Variants in PTPRM observed in about 807,000 individuals in gnomAD.
The protein encoded by PTPRM is receptor-type tyrosine-protein phosphatase mu.
Under a neutral mutation model 186.7 loss-of-function variants are expected in PTPRM, and 47 were observed. That is an observed-to-expected ratio of 0.25 (90% confidence interval 0.20 to 0.32). PTPRM has a LOEUF of 0.32. Among genes scored for constraint, PTPRM ranks in the 10% least tolerant of loss-of-function variants. The probability of loss-of-function intolerance (pLI) is 1.00; values close to 1 mark genes in which losing one functional copy is unlikely to be tolerated. For synonymous variants in PTPRM, 668 were observed against 674.9 expected (o/e 0.99, Z 0.16); for missense variants, 1,494 against 1,865.0 (o/e 0.80, Z 3.66).
At chr18:7,652,285 A>G (rs2038728883) in intron 1 of PTPRM, among the ~76,000 whole-genome samples, 1 of 152,172 alleles carries the variant, frequency 6.6e-6, no homozygotes, top group Admixed American at 6.5e-5. Flanking sequence ...AGAAATAGGA[A>G]CACTTTTACA....
intron 1 of PTPRM, among the ~76,000 whole-genome samples, chr18:7,684,450 A>G (rs2039552070): frequency 6.6e-6 from 1 of 152,178 alleles, no homozygotes; most frequent in South Asian, 2.1e-4. Flanking sequence ...GCAGATCTCT[A>G]GAACTTATCT....
intron 14 of PTPRM, among the ~76,000 whole-genome samples, chr18:8,157,159 C>T (rs1276946454): frequency 6.6e-6 from 1 of 152,178 alleles, no homozygotes; most frequent in Non-Finnish European, 1.5e-5. Context: ...AGACAAGCCA[C>T]CTAGCTCGGT....
At chr18:7,749,492 TTTTTA>T (rs1182714014) in intron 1 of PTPRM, 1 of 152,072 alleles carries the variant, frequency 6.6e-6, no homozygotes, top group Non-Finnish European at 1.5e-5. Flanking sequence ...GCCACTAACG[TTTTTA>T]TTTTAAGTGA....
chr18:8,335,178 T>C (rs2095431861), intron 22 of PTPRM, among the ~76,000 whole-genome samples: 1 of 151,408 alleles, frequency 6.6e-6, no homozygotes, highest in Non-Finnish European at 1.5e-5. Flanking sequence ...CCCATGGGAG[T>C]CTCCTTCCCT....
At chr18:7,957,125 A>G (rs1245512400) in intron 7 of PTPRM, among the ~76,000 whole-genome samples, 1 of 150,974 alleles carries the variant, frequency 6.6e-6, no homozygotes, top group African/African-American at 2.4e-5. Flanking sequence ...GATCTGTTTC[A>G]ATTCTAGTCA....
chr18:7,848,109 C>G (rs2046687284), intron 2 of PTPRM, among the ~76,000 whole-genome samples: 1 of 152,210 alleles, frequency 6.6e-6, no homozygotes. Flanking sequence ...GCATTTACCT[C>G]CTTTTATCTG....
chr18:8,023,045 G>C (rs2085329899), intron 7 of PTPRM, among the ~76,000 whole-genome samples: 1 of 152,060 alleles, frequency 6.6e-6, no homozygotes, highest in Non-Finnish European at 1.5e-5. Context: ...TTTGACATGG[G>C]AGCCAGAAGT....
intron 2 of PTPRM, among the ~76,000 whole-genome samples, chr18:7,788,774 G>C (rs1471602339): frequency 6.6e-6 from 1 of 152,290 alleles, no homozygotes; most frequent in Admixed American, 6.5e-5. Flanking sequence ...AGTCCTAACA[G>C]AATTTGCTAA....
intron 24 of PTPRM, among the ~76,000 whole-genome samples, chr18:8,374,763 A>G (rs187922020): frequency 2.2e-4 from 33 of 152,370 alleles, no homozygotes; most frequent in Non-Finnish European, 4.0e-4. Flanking sequence ...GGGTTATTAA[A>G]TGAAGACATG....
chr18:7,682,894 A>G (rs1272696748), intron 1 of PTPRM, among the ~76,000 whole-genome samples: 1 of 152,064 alleles, frequency 6.6e-6, no homozygotes, highest in East Asian at 1.9e-4. Flanking sequence ...TACTCTGGAT[A>G]CTTTTTTAGT....
intron 1 of PTPRM, among the ~76,000 whole-genome samples, chr18:7,738,352 A>G (rs1229028345): frequency 6.6e-6 from 1 of 152,160 alleles, no homozygotes; most frequent in African/African-American, 2.4e-5. Flanking sequence ...AGTTGTTTAG[A>G]TGCTTGAAGA....
intron 2 of PTPRM, among the ~76,000 whole-genome samples, chr18:7,867,879 A>G (rs1365286165): frequency 6.6e-6 from 1 of 152,040 alleles, no homozygotes; most frequent in African/African-American, 2.4e-5. Context: ...TATTTCTTGG[A>G]GGCTTTGTTT....
At chr18:7,603,501 G>A (rs1281103375) in intron 1 of PTPRM, among the ~76,000 whole-genome samples, 1 of 152,224 alleles carries the variant, frequency 6.6e-6, no homozygotes, top group Non-Finnish European at 1.5e-5. Context: ...GGTGAGGTCT[G>A]CAGGATCCAT....
At chr18:8,398,532 G>A (rs1280616523) in intron 32 of PTPRM, among the ~76,000 whole-genome samples, 2 of 152,050 alleles carry the variant, frequency 1.3e-5, no homozygotes, top group African/African-American at 2.4e-5. Context: ...TAGGGAGGCC[G>A]AGGTGGGCAG....
chr18:7,956,040 C>T (rs1175360477), intron 7 of PTPRM, among the ~76,000 whole-genome samples: 1 of 152,066 alleles, frequency 6.6e-6, no homozygotes, highest in Non-Finnish European at 1.5e-5. Flanking sequence ...TAAAATCTTC[C>T]AAAAATCAAA....
chr18:8,000,973 G>A (rs960543873), intron 7 of PTPRM, among the ~76,000 whole-genome samples: 9 of 152,316 alleles, frequency 5.9e-5, no homozygotes, highest in Middle Eastern at 3.4e-3. Flanking sequence ...CAATAAATGG[G>A]TGGAACATTG....
intron 1 of PTPRM, among the ~76,000 whole-genome samples, chr18:7,611,964 G>A (rs1196491849): frequency 6.6e-6 from 1 of 152,198 alleles, no homozygotes; most frequent in Non-Finnish European, 1.5e-5. Flanking sequence ...CTAGGTTTGT[G>A]TAAGTGTACT....
chr18:8,163,264 A>G (rs2093264770), intron 14 of PTPRM, among the ~76,000 whole-genome samples: 1 of 152,218 alleles, frequency 6.6e-6, no homozygotes, highest in South Asian at 2.1e-4. Flanking sequence ...CTCATGTTCC[A>G]AAACTTCCTA....
At chr18:7,815,566 C>G (rs2044769332) in intron 2 of PTPRM, 2 of 152,056 alleles carry the variant, frequency 1.3e-5, no homozygotes, top group Non-Finnish European at 2.9e-5. Flanking sequence ...GCCTGCAATC[C>G]CAGCTACTAG....
Sources: allele counts gnomAD v4.1 joint callset (sites outside exome capture counted in the v4.1 genomes callset), GRCh38; gene constraint gnomAD v4.1.1; transcripts MANE v1.5; gene names NCBI Gene and HGNC (gene_info 2026-07-23, HGNC 2026-07-21).